PLCB3: variants seen among roughly 807,000 people sequenced by gnomAD.
PLCB3 encodes phospholipase C beta 3.
In PLCB3, 54 loss-of-function variants were observed where a neutral mutation model predicts 152.1. The ratio of observed to expected loss-of-function variants is 0.36; its 90% CI spans 0.29 to 0.45. The LOEUF is 0.45. Among genes scored for constraint, PLCB3 ranks in the 20% least tolerant of loss-of-function variants. The probability of loss-of-function intolerance (pLI) is 1.00; values close to 1 mark genes in which losing one functional copy is unlikely to be tolerated. For missense variants in PLCB3, 1,248 were observed against 1,687.5 expected (o/e 0.74, Z 4.56); for synonymous variants, 717 against 698.7 (o/e 1.03, Z -0.41).
Position 64,258,681 on chromosome 11 carries a change from C to A in PLCB3, c.1221C>A (p.Pro407=), listed in dbSNP as rs1466109402. 21 of 1,613,862 alleles carry A rather than the reference C, an allele frequency of 1.3e-5. No homozygotes were observed. The highest frequency in any genetic ancestry group is 1.8e-5 in the Non-Finnish European group (21 of 1,180,020). ...AETAFKTSPY[P]VILSFENHVD... is the part of the protein sequence containing the mutation. ...CTGCCTTCAAGACCTCGCCCTACCC[C>A]GTCATCCTCTCCTTCGAGAACCATG... The change falls in exon 11 of 31, where the codon CCC becomes CCA. Residue 407 remains proline (P), a synonymous_variant. Transcript: ENST00000279230. This position sits in a 1 kb window ranked among gnomAD's most constrained non-coding sequence, Gnocchi z 7.2.
chr11:64,265,305 C>T lies in PLCB3; in HGVS notation c.2843-5C>T, dbSNP rs1278381901. 7.9e-7 allele frequency: 1 copy of T among 1,267,858 alleles called. No homozygotes were observed. The highest frequency in any genetic ancestry group is 1.2e-5 in the South Asian group (1 of 82,644). The allele number at this position is 1,267,858 out of a possible 1,614,324, so 78.5% of individuals were successfully genotyped here. Reference sequence around the variant, plus strand: ...CCCCGCCCACCTTTGCTCTGCCGCTCCCAGAGGTGGCCCCCACCCCGCTGG... The same window carrying T: ...CCCCGCCCACCTTTGCTCTGCCGCTTCCAGAGGTGGCCCCCACCCCGCTGG... On this transcript the variant is annotated splice_polypyrimidine_tract_variant and splice_region_variant and intron_variant, in intron 24 of 30. Coordinates refer to ENST00000279230, the MANE Select transcript of PLCB3 (RefSeq NM_000932.5).
Position 64,261,754 on chromosome 11 carries a change from C to T in PLCB3, c.1913+89C>T, listed in dbSNP as rs535819421. 18 of 1,432,940 alleles carry T rather than the reference C, an allele frequency of 1.3e-5. No individual in the cohort carries two copies. The South Asian group carries it at 2.1e-4, about 16-fold the overall frequency. 88.8% of individuals were successfully genotyped at this position (1,432,940 alleles called of 1,614,324 possible). A position where few individuals can be genotyped will look rare whatever the true frequency, so the allele number is the denominator to read the frequency against. Reference sequence around the variant, plus strand: ...GTTCTGTCCCCACATATGCCACCTGCACAGGGTGCTGGCCCTCCGGCGGCC... The same window carrying T: ...GTTCTGTCCCCACATATGCCACCTGTACAGGGTGCTGGCCCTCCGGCGGCC... On this transcript the variant is annotated intron_variant, in intron 16 of 30. Transcript: ENST00000279230.
At chr11:64,268,509 G>A (rs1156248147), downstream of PLCB3, 2 of 152,286 alleles carry the variant, frequency 1.3e-5, no homozygotes, top group Non-Finnish European at 2.9e-5. Context: ...TACAGATGAG[G>A]AGACTGAGGC....
intron 8 of PLCB3, 80 bp from the exon 9 acceptor site, chr11:64,256,296 C>G: frequency 7.3e-7 from 1 of 1,374,850 alleles, no homozygotes; most frequent in Non-Finnish European, 1.0e-6. Context: ...CTTCTGACTC[C>G]CTTGCCCAGG....
In PLCB3 at chr11:64,267,618, G is replaced by T; in HGVS notation, c.*62G>T. 3.6e-5 allele frequency: 37 copies of T among 1,038,714 alleles called. No homozygotes were observed. The highest frequency in any genetic ancestry group is 4.7e-5 in the Non-Finnish European group (34 of 721,058). The allele number at this position is 1,038,714 out of a possible 1,614,324, so 64.3% of individuals were successfully genotyped here. On this transcript the variant is annotated 3_prime_UTR_variant, in exon 31 of 31. Coordinates refer to ENST00000279230, the MANE Select transcript of PLCB3 (RefSeq NM_000932.5). The surrounding 1 kb of genome is among the most constrained non-coding windows in gnomAD (Gnocchi z 5.2). ...CGCTGGGTGGAGGGCAGGAGGCAAT[G>T]ACACTAATGCTTTTTTTTTTTTTTT...
chr11:64,252,821 GGGGTGCT>G (rs2031300099), intron 1 of PLCB3, among the ~76,000 whole-genome samples: 1 of 152,190 alleles, frequency 6.6e-6, no homozygotes, highest in Non-Finnish European at 1.5e-5. Context: ...GGTGGGGTGG[GGGGTGCT>G]GACGGAGGCT....
chr11:64,269,087 T>C (rs114407631), downstream of PLCB3: 14 of 152,468 alleles, frequency 9.2e-5, no homozygotes, highest in African/African-American at 3.4e-4. Flanking sequence ...TCCAAGTCAG[T>C]TCCCAGGTCC....
In PLCB3 at chr11:64,265,188, C is replaced by T; in HGVS notation, c.2807-4C>T. ...CAGCTCCTCACAGGGCCTCTGCTCC[C>T]CAGGGCAGCGTGATGATCTCATCGC... is the stretch of plus-strand genomic sequence containing the variant. On this transcript the variant is annotated splice_polypyrimidine_tract_variant and splice_region_variant and intron_variant, in intron 23 of 30. Coordinates refer to ENST00000279230, the MANE Select transcript of PLCB3 (RefSeq NM_000932.5). 1 of 1,594,868 alleles carries T rather than the reference C, an allele frequency of 6.3e-7. No individual in the cohort carries two copies. Among genetic ancestry groups the T allele is most frequent in the Non-Finnish European group, 8.5e-7 (1 of 1,169,858 alleles).
At position 64,258,090 on chromosome 11, in the gene PLCB3, G is replaced by A. The variant is rs549990654; in HGVS notation, c.1013-383G>A. 9.9e-5 allele frequency among the ~76,000 whole-genome samples: 15 copies of A among 151,726 alleles called. No homozygotes were observed. The East Asian group carries it at 2.9e-3, about 29-fold the overall frequency. ...AATCGCTTGAACCAGGGAGGCGGAG[G>A]TTGCAGTGAACCGAGGTTGTGCCAC... On this transcript the variant is annotated intron_variant, in intron 10 of 30. Coordinates refer to ENST00000279230, the MANE Select transcript of PLCB3 (RefSeq NM_000932.5). The surrounding 1 kb of genome is among the most constrained non-coding windows in gnomAD (Gnocchi z 7.2).
chr11:64,267,342 T>G lies in PLCB3; in HGVS notation c.3502-11T>G. ...CAGGCCTCGCCTGTGATGCCCATCC[T>G]TCTCCCACAGCTGCTGGCCCAGCTG... is the stretch of plus-strand genomic sequence containing the variant. On this transcript the variant is annotated splice_polypyrimidine_tract_variant and intron_variant, in intron 30 of 30. Coordinates refer to ENST00000279230, the MANE Select transcript of PLCB3 (RefSeq NM_000932.5). The surrounding 1 kb of genome is among the most constrained non-coding windows in gnomAD (Gnocchi z 5.2). The G allele has an allele frequency of 6.5e-7, 1 of 1,549,152 alleles. No homozygotes were observed. Among genetic ancestry groups the G allele is most frequent in the Non-Finnish European group, 8.7e-7 (1 of 1,145,324 alleles).
intron 13 of PLCB3, among the ~76,000 whole-genome samples, chr11:64,259,823 C>T (rs1230140131): frequency 6.6e-6 from 1 of 152,160 alleles, no homozygotes. Flanking sequence ...CAGACCTTTA[C>T]CTTTGACCTA....
Position 64,261,459 on chromosome 11 carries a change from C to G in PLCB3, c.1791C>G (p.Ile597Met), listed in dbSNP as rs373608404. ...AGATGTCCACGCTTGTCAACTACAT[C>G]GAACCTGTCAAGTTCAAGTCCTTTG... ...TEEMSTLVNY[I>M]EPVKFKSFEA... The change falls in exon 15 of 31, where the codon ATC (isoleucine) becomes ATG (methionine). Residue 597 changes from isoleucine (I) to methionine (M), a missense_variant. Ile to Met is a conservative substitution (Grantham distance 10). Coordinates refer to ENST00000279230, the MANE Select transcript of PLCB3 (RefSeq NM_000932.5). 1.4e-5 allele frequency: 23 copies of G among 1,613,990 alleles called. No homozygotes were observed. The highest frequency in any genetic ancestry group is 1.9e-5 in the Non-Finnish European group (23 of 1,179,964).
Position 64,267,622 on chromosome 11 carries a change from C to A in PLCB3, c.*66C>A. On this transcript the variant is annotated 3_prime_UTR_variant, in exon 31 of 31. Transcript: ENST00000279230. The surrounding 1 kb of genome is among the most constrained non-coding windows in gnomAD (Gnocchi z 5.2). The stretch of plus-strand genomic sequence containing the variant: ...GGGTGGAGGGCAGGAGGCAATGACA[C>A]TAATGCTTTTTTTTTTTTTTTTTAA... 576 of 871,970 alleles carry A rather than the reference C, an allele frequency of 6.6e-4. No homozygotes were observed. The highest frequency in any genetic ancestry group is 9.0e-4 in the Non-Finnish European group (522 of 578,022). The allele number at this position is 871,970 out of a possible 1,614,324, so 54.0% of individuals were successfully genotyped here. A position where few individuals can be genotyped will look rare whatever the true frequency, so the allele number is the denominator to read the frequency against.
chr11:64,267,496 G>A lies in PLCB3; in HGVS notation c.3645G>A (p.Gly1215=), dbSNP rs1045446121. 1.3e-6 allele frequency: 2 copies of A among 1,570,178 alleles called. No homozygotes were observed. The highest frequency in any genetic ancestry group is 1.7e-6 in the Non-Finnish European group (2 of 1,162,196). The change falls in exon 31 of 31, where the codon GGG becomes GGA. Residue 1215 remains glycine (G), a synonymous_variant. Transcript: ENST00000279230. The surrounding 1 kb of genome is among the most constrained non-coding windows in gnomAD (Gnocchi z 5.2). ...VACASNGHAP[G]SSGHLSGADS... is the part of the protein sequence containing the mutation. ...GTGCCAGCAACGGTCACGCACCCGGGAGCAGCGGGCACCTGTCGGGCGCTG... is the reference window on the plus strand; with the variant it reads ...GTGCCAGCAACGGTCACGCACCCGGAAGCAGCGGGCACCTGTCGGGCGCTG...
chr11:64,266,213 A>G lies in PLCB3; in HGVS notation c.3266+11A>G. On this transcript the variant is annotated intron_variant, in intron 27 of 30. Transcript: ENST00000279230. The surrounding 1 kb of genome is among the most constrained non-coding windows in gnomAD (Gnocchi z 4.9). ...AGAGATGAACGAGAGGTGAAAGCCG[A>G]GGATTGTCTATGGGAAGGGCTGGGG... The G allele has an allele frequency of 6.2e-7, 1 of 1,614,006 alleles. No individual in the cohort carries two copies. The highest frequency in any genetic ancestry group is 2.2e-5 in the East Asian group (1 of 44,886).
At position 64,255,298 on chromosome 11, in the gene PLCB3, C is replaced by T; in HGVS notation, c.452C>T (p.Thr151Ile). ...NILAQNASRNTFLRKAYTKLK... is the reference protein window; with the variant it reads ...NILAQNASRNIFLRKAYTKLK... ...CTGGCTCAGAACGCCTCCCGGAACA[C>T]CTTCCTGCGCAAAGCGTGAGCCCCA... Residue 151 changes from threonine (T) to isoleucine (I), a missense_variant, in exon 5 of 31, where the codon ACC becomes ATC. This residue lies in a region of PLCB3 where 299 missense variants were observed against 434.7 expected (regional missense o/e 0.69). Coordinates refer to ENST00000279230, the MANE Select transcript of PLCB3 (RefSeq NM_000932.5). This position sits in a 1 kb window ranked among gnomAD's most constrained non-coding sequence, Gnocchi z 6.8. The T allele has an allele frequency of 6.2e-7, 1 of 1,613,952 alleles. No homozygotes were observed. The highest frequency in any genetic ancestry group is 8.5e-7 in the Non-Finnish European group (1 of 1,179,976).
At position 64,267,463 on chromosome 11, in the gene PLCB3, G is replaced by T; in HGVS notation, c.3612G>T (p.Leu1204=). The T allele has an allele frequency of 6.4e-7, 1 of 1,560,136 alleles. No individual in the cohort carries two copies. Among genetic ancestry groups the T allele is most frequent in the East Asian group, 2.4e-5 (1 of 42,244 alleles). The change falls in exon 31 of 31, where the codon CTG becomes CTT. Residue 1204 remains leucine (L), a synonymous_variant. Coordinates refer to ENST00000279230, the MANE Select transcript of PLCB3 (RefSeq NM_000932.5). The surrounding 1 kb of genome is among the most constrained non-coding windows in gnomAD (Gnocchi z 5.2). ...EMPEGLGDGP[L]VACASNGHAP... ...CGGAGGGGCTGGGGGACGGGCCTCT[G>T]GTGGCCTGTGCCAGCAACGGTCACG... is the stretch of plus-strand genomic sequence containing the variant.
chr11:64,255,522 C>A lies in PLCB3; in HGVS notation c.522-19C>A. ...ACCTTTGTCCTCCACTGACCCTGAA[C>A]CCCTCCTGCCCGCATCAGCATCCTG... is the stretch of plus-strand genomic sequence containing the variant. On this transcript the variant is annotated intron_variant, in intron 6 of 30. Coordinates refer to ENST00000279230, the MANE Select transcript of PLCB3 (RefSeq NM_000932.5). This position sits in a 1 kb window ranked among gnomAD's most constrained non-coding sequence, Gnocchi z 6.8. 1 of 1,614,082 alleles carries A rather than the reference C, an allele frequency of 6.2e-7. No homozygotes were observed. Among genetic ancestry groups the A allele is most frequent in the Non-Finnish European group, 8.5e-7 (1 of 1,179,962 alleles).
chr11:64,265,564 C>T, intron 25 of PLCB3, 62 bp downstream of exon 25: 1 of 1,517,126 alleles, frequency 6.6e-7, no homozygotes, highest in African/African-American at 1.4e-5. Context: ...ACATGGGGGT[C>T]GGTGGGCATG....
Sources: allele counts gnomAD v4.1 joint callset (sites outside exome capture counted in the v4.1 genomes callset), GRCh38; gene constraint gnomAD v4.1.1; regional missense constraint gnomAD v4.1.1; non-coding constraint Gnocchi (gnomAD v3.1); transcripts MANE v1.5; gene names NCBI Gene and HGNC (gene_info 2026-07-23, HGNC 2026-07-21).